CDH10: variants seen among roughly 807,000 people sequenced by gnomAD.
CDH10 encodes the protein cadherin-10.
Under a neutral mutation model 73.1 loss-of-function variants are expected in CDH10, and 30 were observed. The ratio of observed to expected loss-of-function variants is 0.41; its 90% CI spans 0.31 to 0.56. The LOEUF is 0.56. Ranked by LOEUF, CDH10 falls within the 20% of genes least tolerant of loss-of-function variation. CDH10 has a pLI of 0.27. For synonymous variants in CDH10, 345 were observed against 348.2 expected (o/e 0.99, Z 0.10); for missense variants, 815 against 973.7 (o/e 0.84, Z 2.17).
At chr5:24,490,418 T>C (rs1340172788) in intron 11 of CDH10, among the ~76,000 whole-genome samples, 7 of 85,250 alleles carry the variant, frequency 8.2e-5, no homozygotes, top group African/African-American at 3.1e-4. Flanking sequence ...CATTTCATAG[T>C]AACAAATTAT....
intron 1 of CDH10, among the ~76,000 whole-genome samples, chr5:24,632,821 G>A (rs983093678): frequency 6.6e-6 from 1 of 151,716 alleles, no homozygotes; most frequent in African/African-American, 2.4e-5. Context: ...CTATTCACAT[G>A]GTATCCTGTA....
chr5:24,600,958 C>T (rs1746540473), intron 1 of CDH10, among the ~76,000 whole-genome samples: 1 of 151,368 alleles, frequency 6.6e-6, no homozygotes. Flanking sequence ...CTTTGATGGG[C>T]CCTAGGCAGT....
At position 24,627,002 on chromosome 5, in the gene CDH10, C is replaced by T. The variant is rs150861073; in HGVS notation, c.-124+17592G>A. Among the ~76,000 whole-genome samples the T allele has an allele frequency of 5.4e-3, 816 of 151,714 alleles. 8 individuals are homozygous for T. Among genetic ancestry groups the T allele is most frequent in the African/African-American group, 0.019 (783 of 41,428 alleles). On this transcript the variant is annotated intron_variant, in intron 1 of 11. Coordinates refer to ENST00000264463, the MANE Select transcript of CDH10 (RefSeq NM_006727.5). Reference sequence around the variant, plus strand: ...ACAGTGAAAAACAATCCTCTAGATGCAGACATGCAAATCCCTTACCCTTCT... The same window carrying T: ...ACAGTGAAAAACAATCCTCTAGATGTAGACATGCAAATCCCTTACCCTTCT...
intron 5 of CDH10, among the ~76,000 whole-genome samples, chr5:24,532,879 G>A (rs1344737293): frequency 6.6e-6 from 1 of 151,960 alleles, no homozygotes; most frequent in Non-Finnish European, 1.5e-5. Flanking sequence ...TGCTACATAT[G>A]AAAGGCTTCA....
intron 5 of CDH10, among the ~76,000 whole-genome samples, chr5:24,523,196 T>A (rs1743403234): frequency 6.6e-6 from 1 of 151,998 alleles, no homozygotes; most frequent in African/African-American, 2.4e-5. Context: ...CAATGAGTAA[T>A]GTATAAACAT....
chr5:24,600,574 T>C (rs1431232229), intron 1 of CDH10, among the ~76,000 whole-genome samples: 3 of 151,900 alleles, frequency 2.0e-5, no homozygotes, highest in East Asian at 1.9e-4. Context: ...CTGGCACAAA[T>C]GAAAGAGCAG....
intron 8 of CDH10, among the ~76,000 whole-genome samples, chr5:24,501,978 G>C (rs1742514874): frequency 6.6e-6 from 1 of 151,922 alleles, no homozygotes; most frequent in African/African-American, 2.4e-5. Context: ...CAGTGCAGTG[G>C]CGCAATCTCC....
chr5:24,492,028 A>G (rs1328810980), intron 10 of CDH10, among the ~76,000 whole-genome samples: 2 of 152,214 alleles, frequency 1.3e-5, no homozygotes, highest in Non-Finnish European at 1.5e-5. Context: ...TAAATTGTTC[A>G]TTTATTAGGT....
intron 1 of CDH10, among the ~76,000 whole-genome samples, chr5:24,603,350 C>T (rs1010566599): frequency 6.6e-6 from 1 of 152,018 alleles, no homozygotes; most frequent in African/African-American, 2.4e-5. Context: ...ACTCTGACAC[C>T]AAAACGATAA....
chr5:24,509,417 C>A, intron 7 of CDH10, 149 bp downstream of exon 7: 1 of 597,280 alleles, frequency 1.7e-6, no homozygotes, highest in Non-Finnish European at 2.9e-6. Context: ...TTTTTTGTAT[C>A]TTTAGTAGAG....
At chr5:24,635,421 TC>T (rs1209828534) in intron 1 of CDH10, among the ~76,000 whole-genome samples, 3 of 151,982 alleles carry the variant, frequency 2.0e-5, no homozygotes, top group Non-Finnish European at 4.4e-5. Flanking sequence ...TTAGTCTCAC[TC>T]TTTCTTATGC....
At chr5:24,560,107 C>G (rs1367029040) in intron 2 of CDH10, among the ~76,000 whole-genome samples, 1 of 151,994 alleles carries the variant, frequency 6.6e-6, no homozygotes, top group East Asian at 1.9e-4. Context: ...ATCCACGATC[C>G]CAGATGCTCA....
chr5:24,554,890 T>C lies in CDH10; in HGVS notation c.232-17216A>G, dbSNP rs574181631. Among the ~76,000 whole-genome samples the C allele has an allele frequency of 2.8e-4, 42 of 152,238 alleles. No homozygotes were observed. The Middle Eastern group carries it at 0.01, about 37-fold the overall frequency. On this transcript the variant is annotated intron_variant, in intron 2 of 11. Coordinates refer to ENST00000264463, the MANE Select transcript of CDH10 (RefSeq NM_006727.5). ...AACATTATGTCTTTGAAAAATATTA[T>C]GTAAATTAATATTTTATCTTTGCAT...
chr5:24,550,491 A>G (rs1446947118), intron 2 of CDH10, among the ~76,000 whole-genome samples: 1 of 152,312 alleles, frequency 6.6e-6, no homozygotes, highest in African/African-American at 2.4e-5. Flanking sequence ...ATTTTTCCAA[A>G]TTTATATCAG....
At chr5:24,505,289 T>G (rs376724275) in intron 7 of CDH10, 41 bp from the exon 8 acceptor site, 1 of 1,581,528 alleles carries the variant, frequency 6.3e-7, no homozygotes. Flanking sequence ...GCAGCATTAT[T>G]AATAGTTTGC....
chr5:24,565,584 C>T (rs1269564483), intron 2 of CDH10, among the ~76,000 whole-genome samples: 1 of 151,996 alleles, frequency 6.6e-6, no homozygotes, highest in African/African-American at 2.4e-5. Context: ...TTTTTGACCC[C>T]CACCAAATTT....
intron 5 of CDH10, among the ~76,000 whole-genome samples, chr5:24,524,937 T>C (rs1391143876): frequency 6.6e-6 from 1 of 152,086 alleles, no homozygotes; most frequent in Non-Finnish European, 1.5e-5. Flanking sequence ...GAGGCTGATA[T>C]TCCTGTTCAC....
chr5:24,596,458 C>T (rs1746374785), intron 1 of CDH10, among the ~76,000 whole-genome samples: 2 of 151,692 alleles, frequency 1.3e-5, no homozygotes, highest in African/African-American at 4.8e-5. Context: ...CGGCCGTTTT[C>T]CTTAACCTCA....
chr5:24,496,854 T>C (rs1044629437), intron 9 of CDH10, among the ~76,000 whole-genome samples: 1 of 152,168 alleles, frequency 6.6e-6, no homozygotes, highest in African/African-American at 2.4e-5. Flanking sequence ...CCTTAATATA[T>C]AACAGTTTAG....
Sources: allele counts gnomAD v4.1 joint callset (sites outside exome capture counted in the v4.1 genomes callset), GRCh38; gene constraint gnomAD v4.1.1; transcripts MANE v1.5; gene names NCBI Gene and HGNC (gene_info 2026-07-23, HGNC 2026-07-21).